MEIS1: variants seen among roughly 807,000 people sequenced by gnomAD.
MEIS1 encodes the protein homeobox protein Meis1.
MEIS1 carries 5 observed loss-of-function variants against 50.8 expected under a neutral mutation model. The ratio of observed to expected loss-of-function variants is 0.10; its 90% CI spans 0.05 to 0.21. The LOEUF is 0.21. Among genes scored for constraint, MEIS1 ranks in the 10% least tolerant of loss-of-function variants. The pLI is 1.00. For synonymous variants in MEIS1, 176 were observed against 179.3 expected (o/e 0.98, Z 0.15); for missense variants, 318 against 517.3 (o/e 0.61, Z 3.74).
At chr2:66,513,421 G>A (rs1350096783) in intron 8 of MEIS1, among the ~76,000 whole-genome samples, 1 of 152,092 alleles carries the variant, frequency 6.6e-6, no homozygotes, top group African/African-American at 2.4e-5. Flanking sequence ...TCAAAGCCAT[G>A]TTCCTCAGTG....
rs1246417915 is a variant in MEIS1 at position 66,441,478 on chromosome 2, C to T, written c.483+14C>T. Reference sequence around the variant, plus strand: ...GAATTAGAGAAGGTAATTTCTCTAGCCTCTTTTCCTTTTACTTACCCCTTA... The same window carrying T: ...GAATTAGAGAAGGTAATTTCTCTAGTCTCTTTTCCTTTTACTTACCCCTTA... On this transcript the variant is annotated intron_variant, in intron 5 of 12. Transcript: ENST00000272369. 2 of 1,535,414 alleles carry T rather than the reference C, an allele frequency of 1.3e-6. No homozygotes were observed. The highest frequency in any genetic ancestry group is 4.2e-5 in the Admixed American group (2 of 47,846).
At chr2:66,505,973 A>G (rs1673676703) in intron 7 of MEIS1, among the ~76,000 whole-genome samples, 1 of 152,232 alleles carries the variant, frequency 6.6e-6, no homozygotes, top group South Asian at 2.1e-4. Context: ...TGTCTCAAAA[A>G]GAAATGTAAG....
chr2:66,529,579 G>C (rs1029121603), intron 8 of MEIS1, among the ~76,000 whole-genome samples: 3 of 152,194 alleles, frequency 2.0e-5, no homozygotes, highest in Non-Finnish European at 4.4e-5. Context: ...TGGGACTGTA[G>C]GCACATGCCA....
intron 3 of MEIS1, 44 bp downstream of exon 3, chr2:66,440,028 G>C (rs369165634): frequency 4.5e-6 from 7 of 1,541,006 alleles, no homozygotes; most frequent in Non-Finnish European, 6.1e-6. Context: ...CAAAAAGAGA[G>C]CCCCCCCTTC....
At chr2:66,567,319 C>A in intron 9 of MEIS1, 134 bp from the exon 10 acceptor site, 1 of 860,992 alleles carries the variant, frequency 1.2e-6, no homozygotes, top group Non-Finnish European at 1.9e-6. Flanking sequence ...GCACATAGAG[C>A]AATGGAGAGA....
intron 8 of MEIS1, among the ~76,000 whole-genome samples, chr2:66,541,861 T>C (rs896145883): frequency 3.9e-5 from 6 of 152,196 alleles, no homozygotes; most frequent in Admixed American, 3.3e-4. Context: ...GCTTTTGTAA[T>C]GCAAATAGGA....
At chr2:66,439,456 G>A (rs112821529) in intron 2 of MEIS1, 34,476 of 1,366,032 alleles carry the variant, frequency 0.025, 557 homozygotes, top group Middle Eastern at 0.068. Flanking sequence ...CCAACTCTCC[G>A]CCCGGCGCCT....
intron 7 of MEIS1, among the ~76,000 whole-genome samples, chr2:66,511,343 G>A (rs980415744): frequency 6.6e-6 from 1 of 152,050 alleles, no homozygotes; most frequent in Admixed American, 6.6e-5. Flanking sequence ...GAGTGTAAAT[G>A]TTATAATAAA....
intron 6 of MEIS1, among the ~76,000 whole-genome samples, chr2:66,457,972 A>G (rs1038649852): frequency 6.6e-6 from 1 of 152,192 alleles, no homozygotes; most frequent in Non-Finnish European, 1.5e-5. Context: ...TTGAGAGAGT[A>G]AATGTACCTC....
chr2:66,475,108 A>G (rs1558531891), intron 7 of MEIS1, among the ~76,000 whole-genome samples: 1 of 145,978 alleles, frequency 6.9e-6, no homozygotes, highest in East Asian at 1.9e-4. Flanking sequence ...AAAAGGATAT[A>G]TTGATTTTAA....
chr2:66,508,948 G>A (rs1177394034), intron 7 of MEIS1: 3 of 456,574 alleles, frequency 6.6e-6, no homozygotes, highest in Non-Finnish European at 1.3e-5. Flanking sequence ...CTCCAGGAAT[G>A]AAGTCACTGC....
At chr2:66,438,041 G>A in intron 2 of MEIS1, 78 bp downstream of exon 2, 1 of 1,271,822 alleles carries the variant, frequency 7.9e-7, no homozygotes, top group Non-Finnish European at 1.1e-6. Context: ...TAAGAGGAAA[G>A]TCAGAGTTCT....
rs564503134 is a variant in MEIS1 at position 66,488,454 on chromosome 2, G to A, written c.743-23695G>A. Reference sequence around the variant, plus strand: ...AGCACTTTGGGAGGCTGAGGCAGGCGGATCACAAGGTCAGGAGATCAAGAC... The same window carrying A: ...AGCACTTTGGGAGGCTGAGGCAGGCAGATCACAAGGTCAGGAGATCAAGAC... On this transcript the variant is annotated intron_variant, in intron 7 of 12. Coordinates refer to ENST00000272369, the MANE Select transcript of MEIS1 (RefSeq NM_002398.3). Among the ~76,000 whole-genome samples the A allele has an allele frequency of 2.2e-4, 33 of 152,200 alleles. 1 individual carries two copies. In the South Asian group the frequency reaches 5.2e-3, roughly 24 times the overall value.
chr2:66,441,005 G>A (rs1671965376), intron 4 of MEIS1: 2 of 330,988 alleles, frequency 6.0e-6, no homozygotes, highest in Non-Finnish European at 1.1e-5. Flanking sequence ...TTGCCTGAAA[G>A]GTGTAAGGAA....
chr2:66,552,385 T>A, intron 9 of MEIS1, among the ~76,000 whole-genome samples: 1 of 152,198 alleles, frequency 6.6e-6, no homozygotes, highest in Non-Finnish European at 1.5e-5. Flanking sequence ...GAAGGCAATA[T>A]GGGTTTTAGG....
intron 5 of MEIS1, 98 bp downstream of exon 5, chr2:66,441,562 T>TTA: frequency 6.2e-6 from 6 of 969,906 alleles, no homozygotes; most frequent in Non-Finnish European, 7.5e-6. Flanking sequence ...TCTGATACAT[T>TTA]TGCATAAATG....
rs1037533772 is a variant in MEIS1 at position 66,437,624 on chromosome 2, T to C, written c.13-113T>C. On this transcript the variant is annotated intron_variant, in intron 1 of 12. Transcript: ENST00000272369. ...GCTTTATAGATGCAAGGCCACCGAA[T>C]TCCGGGTGGAAGGACCCAGCTGTAT... 5.7e-6 allele frequency: 5 copies of C among 871,160 alleles called. No individual in the cohort carries two copies. The African/African-American group carries it at 6.7e-5, about 12-fold the overall frequency. The allele number at this position is 871,160 out of a possible 1,614,324, so 54.0% of individuals were successfully genotyped here.
chr2:66,437,663 G>T (rs937416732), intron 1 of MEIS1, 74 bp from the exon 2 acceptor site: 2 of 1,370,306 alleles, frequency 1.5e-6, no homozygotes, highest in Non-Finnish European at 2.1e-6. Context: ...CCTTATATAA[G>T]CTCGGTGCCT....
At chr2:66,560,836 G>C (rs544808124) in intron 9 of MEIS1, among the ~76,000 whole-genome samples, 2 of 152,204 alleles carry the variant, frequency 1.3e-5, no homozygotes, top group East Asian at 3.9e-4. Context: ...TCCTGCCGCT[G>C]TTCTCTACCT....
Sources: gnomAD v4.1 joint callset for allele counts (sites outside exome capture counted in the v4.1 genomes callset) on GRCh38, gnomAD v4.1.1 for gene constraint, MANE v1.5 for transcripts, NCBI Gene and HGNC (gene_info 2026-07-23, HGNC 2026-07-21) for gene names.